HEMK2: variants seen among roughly 807,000 people sequenced by gnomAD.
HEMK2 encodes the protein methyltransferase HEMK2.
the HEMK2 span, among the ~76,000 whole-genome samples, chr21:28,835,937 A>G: frequency 6.7e-6 from 1 of 149,080 alleles, no homozygotes; most frequent in South Asian, 2.2e-4. Flanking sequence ...CAACAAAGAC[A>G]AAGAAAAAAA....
At chr21:28,781,630 G>A in the HEMK2 span, among the ~76,000 whole-genome samples, 1 of 152,240 alleles carries the variant, frequency 6.6e-6, no homozygotes, top group Non-Finnish European at 1.5e-5. Context: ...TCCTCTCACA[G>A]TGAATTTGTG....
At chr21:28,837,915 T>G in the HEMK2 span, among the ~76,000 whole-genome samples, 2 of 152,176 alleles carry the variant, frequency 1.3e-5, no homozygotes, top group South Asian at 4.1e-4. Flanking sequence ...TGAACACCTT[T>G]ACACACATAA....
chr21:28,879,051 C>A, the HEMK2 span, among the ~76,000 whole-genome samples: 1 of 142,506 alleles, frequency 7.0e-6, no homozygotes, highest in African/African-American at 2.6e-5. Flanking sequence ...ATTAAAAAAT[C>A]TTTAGATCCT....
At chr21:28,580,351 AG>A in the HEMK2 span, among the ~76,000 whole-genome samples, 2 of 152,158 alleles carry the variant, frequency 1.3e-5, no homozygotes, top group Non-Finnish European at 2.9e-5. Flanking sequence ...GAGCCCTGCA[AG>A]GTCACATGGT....
At chr21:28,630,325 T>C in the HEMK2 span, among the ~76,000 whole-genome samples, 1 of 152,152 alleles carries the variant, frequency 6.6e-6, no homozygotes, top group Admixed American at 6.5e-5. Flanking sequence ...TTTTACACTG[T>C]TGGTGGGACT....
the HEMK2 span, among the ~76,000 whole-genome samples, chr21:28,575,852 T>G: frequency 2.0e-5 from 3 of 152,212 alleles, no homozygotes; most frequent in Non-Finnish European, 4.4e-5. Flanking sequence ...ACATAGTATG[T>G]TCTCCGTGTT....
At chr21:28,750,684 G>C in the HEMK2 span, among the ~76,000 whole-genome samples, 14 of 132,542 alleles carry the variant, frequency 1.1e-4, no homozygotes, top group African/African-American at 4.1e-4. Flanking sequence ...CTGGGTGACA[G>C]AGCAAGGCTC....
the HEMK2 span, among the ~76,000 whole-genome samples, chr21:28,862,378 G>A: frequency 8.3e-6 from 1 of 121,112 alleles, no homozygotes; most frequent in Non-Finnish European, 1.7e-5. Flanking sequence ...GGTGGGTCAT[G>A]CCTGTAATCC....
At chr21:28,768,707 G>A in the HEMK2 span, among the ~76,000 whole-genome samples, 1 of 151,980 alleles carries the variant, frequency 6.6e-6, no homozygotes, top group Admixed American at 6.6e-5. Flanking sequence ...ATGGATTGAA[G>A]GTCATTGCTC....
At chr21:28,661,267 C>A in the HEMK2 span, among the ~76,000 whole-genome samples, 1 of 151,820 alleles carries the variant, frequency 6.6e-6, no homozygotes, top group Non-Finnish European at 1.5e-5. Context: ...TGTTCTTTTT[C>A]TAACTTCTTG....
At chr21:28,752,148 T>C in the HEMK2 span, among the ~76,000 whole-genome samples, 2 of 152,238 alleles carry the variant, frequency 1.3e-5, no homozygotes. Flanking sequence ...GTTTTTAATG[T>C]ACATTTTCTC....
chr21:28,647,169 C>T, the HEMK2 span, among the ~76,000 whole-genome samples: 1 of 151,640 alleles, frequency 6.6e-6, no homozygotes, highest in African/African-American at 2.4e-5. Flanking sequence ...TGGGCTAATA[C>T]AAATCCAAAA....
chr21:28,722,347 G>A, the HEMK2 span, among the ~76,000 whole-genome samples: 1 of 152,150 alleles, frequency 6.6e-6, no homozygotes, highest in Non-Finnish European at 1.5e-5. Context: ...CTAGGTAAAT[G>A]AAGAACCAAG....
At chr21:28,717,984 T>C in the HEMK2 span, among the ~76,000 whole-genome samples, 2 of 152,202 alleles carry the variant, frequency 1.3e-5, no homozygotes, top group African/African-American at 4.8e-5. Flanking sequence ...TAGTTTGTTC[T>C]TGTGTTTCTA....
At chr21:28,730,418 A>ACACACACACACACACACACATAATTTAT in the HEMK2 span, among the ~76,000 whole-genome samples, 23 of 142,290 alleles carry the variant, frequency 1.6e-4, no homozygotes, top group African/African-American at 6.1e-4. Flanking sequence ...ACACACACAC[A>ACACACACACACACACACACATAATTTAT]TTTCTCACAA....
chr21:28,833,167 T>C, the HEMK2 span, among the ~76,000 whole-genome samples: 5 of 152,214 alleles, frequency 3.3e-5, no homozygotes, highest in Non-Finnish European at 4.4e-5. Context: ...TCCACGCTTT[T>C]ACTATCCTCT....
the HEMK2 span, among the ~76,000 whole-genome samples, chr21:28,637,886 A>G: frequency 6.6e-6 from 1 of 152,238 alleles, no homozygotes; most frequent in Non-Finnish European, 1.5e-5. Flanking sequence ...TCCATAAAGT[A>G]TATCTCAATC....
At chr21:28,702,623 C>A in the HEMK2 span, among the ~76,000 whole-genome samples, 2 of 152,244 alleles carry the variant, frequency 1.3e-5, no homozygotes, top group South Asian at 2.1e-4. Context: ...CATCTCACAC[C>A]AGTCAGAATG....
the HEMK2 span, among the ~76,000 whole-genome samples, chr21:28,832,818 A>G: frequency 6.6e-6 from 1 of 152,240 alleles, no homozygotes; most frequent in East Asian, 1.9e-4. Flanking sequence ...TCAAACAGCA[A>G]TGATGAACTG....
Sources: gnomAD v4.1 joint callset for allele counts (sites outside exome capture counted in the v4.1 genomes callset) on GRCh38, gnomAD v4.1.1 for gene constraint, MANE v1.5 for transcripts, NCBI Gene and HGNC (gene_info 2026-07-23, HGNC 2026-07-21) for gene names.